The following RIOX2 variants were observed in gnomAD, a reference collection of about 807,000 sequenced individuals.
RIOX2 encodes the protein 60S ribosomal protein L27a histidine hydroxylase.
RIOX2 carries 43 observed loss-of-function variants against 51.2 expected under a neutral mutation model. That is an observed-to-expected ratio of 0.84 (90% CI 0.66 to 1.08). RIOX2 has a LOEUF of 1.08. Ranked by LOEUF, RIOX2 falls within the 50% of genes least tolerant of loss-of-function variation. The pLI is 0.00. For synonymous variants in RIOX2, 226 were observed against 218.5 expected (o/e 1.03, Z -0.30); for missense variants, 566 against 561.7 (o/e 1.01, Z -0.08).
chr3:97,947,129 C>A (rs1422289096), intron 8 of RIOX2, among the ~76,000 whole-genome samples: 1 of 151,962 alleles, frequency 6.6e-6, no homozygotes, highest in African/African-American at 2.4e-5. Flanking sequence ...AAAGACCAGA[C>A]ATTAATCACC....
Position 97,943,317 on chromosome 3 carries a change from G to GA in RIOX2, c.*1866dup, listed in dbSNP as rs771696061. 284 of 1,499,894 alleles carry GA rather than the reference G, an allele frequency of 1.9e-4. No homozygotes were observed. The highest frequency in any genetic ancestry group is 2.6e-4 in the Non-Finnish European group (278 of 1,078,798). The allele number at this position is 1,499,894 out of a possible 1,614,324, so 92.9% of individuals were successfully genotyped here. A position where few individuals can be genotyped will look rare whatever the true frequency, so the allele number is the denominator to read the frequency against. ...AATGGGACATTGAAATATTGTGAGA[G>GA]AATCAACATCCCTAGAAAGATCCCT... On this transcript the variant is annotated 3_prime_UTR_variant, in exon 10 of 10. Coordinates refer to ENST00000394198, the MANE Select transcript of RIOX2 (RefSeq NM_153182.4).
At chr3:97,962,768 T>C (rs1450098219) in intron 2 of RIOX2, among the ~76,000 whole-genome samples, 1 of 152,168 alleles carries the variant, frequency 6.6e-6, no homozygotes, top group African/African-American at 2.4e-5. Context: ...CCCTGCCTCA[T>C]AAAGAGGGTA....
chr3:97,948,797 T>C (rs1250498021), intron 7 of RIOX2, among the ~76,000 whole-genome samples: 2 of 152,126 alleles, frequency 1.3e-5, no homozygotes, highest in Non-Finnish European at 2.9e-5. Context: ...TTTACTGAGA[T>C]GCCCTGCAGT....
At chr3:97,958,976 G>T in intron 4 of RIOX2, 75 bp downstream of exon 4, 1 of 1,476,292 alleles carries the variant, frequency 6.8e-7, no homozygotes, top group Non-Finnish European at 9.1e-7. Flanking sequence ...TAAACCTTGA[G>T]CCTGAACTTG....
At position 97,942,178 on chromosome 3, in the gene RIOX2, C is replaced by T. The variant is rs2107113873; in HGVS notation, c.*3006G>A. ...ATAGTATTTTTTTAGATAAGACACA[C>T]ACACACTTCATGTCTATGACTTGTT... On this transcript the variant is annotated 3_prime_UTR_variant, in exon 10 of 10. Transcript: ENST00000394198. The T allele has an allele frequency of 1.1e-6, 1 of 926,282 alleles. No homozygotes were observed. The highest frequency in any genetic ancestry group is 1.6e-6 in the Non-Finnish European group (1 of 636,920). 57.4% of individuals were successfully genotyped at this position (926,282 alleles called of 1,614,324 possible).
intron 7 of RIOX2, 135 bp downstream of exon 7, chr3:97,949,709 C>G: frequency 1.3e-6 from 1 of 761,886 alleles, no homozygotes. Context: ...CCCATATTCA[C>G]TAAGGATGGA....
At chr3:97,959,452 T>C (rs1705588613) in intron 3 of RIOX2, among the ~76,000 whole-genome samples, 1 of 151,956 alleles carries the variant, frequency 6.6e-6, no homozygotes, top group Non-Finnish European at 1.5e-5. Flanking sequence ...TCCTGTGTAG[T>C]TGGGAAGCTG....
rs748073979 is a variant in RIOX2, at chr3:97,967,263, T to G, written c.331A>C (p.Lys111Gln). The G allele has an allele frequency of 6.2e-7, 1 of 1,614,176 alleles. No homozygotes were observed. Among genetic ancestry groups the G allele is most frequent in the South Asian group, 1.1e-5 (1 of 91,080 alleles). ...GCTTTGCCATCTTTATTTAAAACCT[T>G]CTTCTTCCCATTGACACACCGGCAG... ...NVCRCVNGKK[K>Q]VLNKDGKAHF... is the part of the protein sequence containing the mutation. Residue 111 changes from lysine (K) to glutamine (Q), a missense_variant, in exon 2 of 10, where the codon AAG becomes CAG. Lys to Gln is a moderately conservative substitution (Grantham distance 53, BLOSUM62 1). Transcript: ENST00000394198.
chr3:97,965,511 C>CAA (rs55974494), intron 2 of RIOX2, among the ~76,000 whole-genome samples: 3 of 100,634 alleles, frequency 3.0e-5, no homozygotes, highest in South Asian at 3.3e-4. Context: ...GACTCTGTCT[C>CAA]AAAAAAAAAA....
intron 8 of RIOX2, among the ~76,000 whole-genome samples, 153 bp downstream of exon 8, chr3:97,947,208 T>C (rs1044923233): frequency 1.3e-5 from 2 of 152,106 alleles, no homozygotes. Context: ...AACTGTGAGA[T>C]TTGGTCATCA....
chr3:97,952,185 AAACAC>A (rs1705277574), intron 5 of RIOX2: 15 of 1,289,832 alleles, frequency 1.2e-5, no homozygotes, highest in Non-Finnish European at 1.5e-5. Flanking sequence ...ATTAGGCTCA[AAACAC>A]AGGATCATTT....
Position 97,943,576 on chromosome 3 carries a change from C to G in RIOX2, c.*1608G>C. On this transcript the variant is annotated 3_prime_UTR_variant, in exon 10 of 10. Coordinates refer to ENST00000394198, the MANE Select transcript of RIOX2 (RefSeq NM_153182.4). ...ATTCCTGATCTCCAGCTGTGGTGAGCAAGTTTCCTGAAGTGTTTATTTTCT... is the reference window on the plus strand; with the variant it reads ...ATTCCTGATCTCCAGCTGTGGTGAGGAAGTTTCCTGAAGTGTTTATTTTCT... The G allele has an allele frequency of 2.5e-6, 1 of 400,798 alleles. No homozygotes were observed. The highest frequency in any genetic ancestry group is 5.7e-5 in the East Asian group (1 of 17,610). 24.8% of individuals were successfully genotyped at this position (400,798 alleles called of 1,614,324 possible).
In RIOX2 at chr3:97,961,643, C is replaced by T; in HGVS notation, c.498G>A (p.Val166=). ...CYFGSLVGSN[V]YITPAGSQGL... is the part of the protein sequence containing the mutation. ...CCTGAGATCCTGCGGGAGTTATGTA[C>T]ACATTCGAGCCAACCAAGGAGCCAA... Residue 166 remains valine (V), a synonymous_variant, in exon 3 of 10, where the codon GTG becomes GTA. Coordinates refer to ENST00000394198, the MANE Select transcript of RIOX2 (RefSeq NM_153182.4). 6.2e-7 allele frequency: 1 copy of T among 1,612,738 alleles called. No homozygotes were observed. The highest frequency in any genetic ancestry group is 1.1e-5 in the South Asian group (1 of 90,834).
Position 97,945,338 on chromosome 3 carries a change from T to A in RIOX2, c.1244A>T (p.His415Leu). The change falls in exon 10 of 10, where the codon CAT becomes CTT. Residue 415 changes from histidine to leucine, a missense_variant. Transcript: ENST00000394198. ...MMGNEEETEFHGLRFPLSHLD... is the reference protein window; with the variant it reads ...MMGNEEETEFLGLRFPLSHLD... ...ATGTGACAAAGGGAAGCGAAGTCCATGAAACTGAAAGGATAAATTTATTTG... is the reference window on the plus strand; with the variant it reads ...ATGTGACAAAGGGAAGCGAAGTCCAAGAAACTGAAAGGATAAATTTATTTG... 6.2e-7 allele frequency: 1 copy of A among 1,608,532 alleles called. No homozygotes were observed. The highest frequency in any genetic ancestry group is 8.5e-7 in the Non-Finnish European group (1 of 1,177,706).
At position 97,944,619 on chromosome 3, in the gene RIOX2, T is replaced by C. The variant is rs1171876723; in HGVS notation, c.*565A>G. ...TTTTTCCTCCTTCAATCTCAGGCTT[T>C]TCTCCATCTTTTAAGCAGCCTCTGT... On this transcript the variant is annotated 3_prime_UTR_variant, in exon 10 of 10. Coordinates refer to ENST00000394198, the MANE Select transcript of RIOX2 (RefSeq NM_153182.4). 3 of 152,354 alleles carry C rather than the reference T, an allele frequency of 2.0e-5. No individual in the cohort carries two copies. Among genetic ancestry groups the C allele is most frequent in the East Asian group, 3.9e-4 (2 of 5,178 alleles). The allele number at this position is 152,354 out of a possible 1,614,324, so 9.4% of individuals were successfully genotyped here. A position where few individuals can be genotyped will look rare whatever the true frequency, so the allele number is the denominator to read the frequency against.
intron 8 of RIOX2, 89 bp downstream of exon 8, chr3:97,947,272 G>A (rs1261044218): frequency 2.1e-6 from 2 of 959,782 alleles, no homozygotes; most frequent in East Asian, 4.8e-5. Flanking sequence ...CTAAAGAAGG[G>A]CAGAGACCAG....
At position 97,959,079 on chromosome 3, in the gene RIOX2, C is replaced by T. The variant is rs763141665; in HGVS notation, c.653G>A (p.Gly218Asp). The T allele has an allele frequency of 1.2e-6, 2 of 1,613,464 alleles. No individual in the cohort carries two copies. Among genetic ancestry groups the T allele is most frequent in the South Asian group, 2.2e-5 (2 of 90,958 alleles). ...EYSVEAEERI[G>D]RPVHEFMLKP... ...CAGCATAAACTCATGCACCGGCCTG[C>T]CGATCCTTTCCTCGGCCTCCACGCT... Residue 218 changes from glycine (G) to aspartate (D), a missense_variant, in exon 4 of 10, where the codon GGC becomes GAC. Transcript: ENST00000394198.
At chr3:97,959,306 GTTTTTTTTTTTTTT>G in intron 3 of RIOX2, 127 bp from the exon 4 acceptor site, 1 of 236,720 alleles carries the variant, frequency 4.2e-6, no homozygotes, top group African/African-American at 3.1e-5. Context: ...AACAACACAG[GTTTTTTTTTTTTTT>G]TTTTTTTTTT....
At chr3:97,954,106 C>T (rs1176361293) in intron 5 of RIOX2, 3 of 327,764 alleles carry the variant, frequency 9.2e-6, no homozygotes, top group African/African-American at 6.1e-5. Flanking sequence ...CACTAACACA[C>T]TGATGTACCC....
Sources: gnomAD v4.1 joint callset for allele counts (sites outside exome capture counted in the v4.1 genomes callset) on GRCh38, gnomAD v4.1.1 for gene constraint, MANE v1.5 for transcripts, NCBI Gene and HGNC (gene_info 2026-07-23, HGNC 2026-07-21) for gene names.